Variants in PRDM11 observed in about 807,000 individuals in gnomAD.
The protein encoded by PRDM11 is PR domain-containing protein 11.
In PRDM11, 20 loss-of-function variants were observed where a neutral mutation model predicts 97.8. The ratio of observed to expected loss-of-function variants is 0.20; its 90% CI spans 0.14 to 0.30. The LOEUF is 0.30. PRDM11 is among the 10% of genes least tolerant of loss of function. The pLI, the probability that PRDM11 is intolerant of heterozygous loss-of-function variation, is 1.00. For synonymous variants in PRDM11, 599 were observed against 637.7 expected (o/e 0.94, Z 0.91); for missense variants, 1,139 against 1,555.2 (o/e 0.73, Z 4.50).
intron 1 of PRDM11, among the ~76,000 whole-genome samples, chr11:45,152,383 T>G (rs1851680978): frequency 6.6e-6 from 1 of 152,172 alleles, no homozygotes; most frequent in African/African-American, 2.4e-5. Flanking sequence ...ACTTTCTTGT[T>G]TAAAATTGCA....
chr11:45,169,241 C>T (rs1417868364), intron 1 of PRDM11, among the ~76,000 whole-genome samples: 1 of 152,170 alleles, frequency 6.6e-6, no homozygotes, highest in Admixed American at 6.5e-5. Flanking sequence ...AATTAATAGC[C>T]CCTAGGCATC....
chr11:45,122,268 G>GGTTATCA (rs916695466), intron 1 of PRDM11, among the ~76,000 whole-genome samples: 9 of 148,754 alleles, frequency 6.1e-5, no homozygotes, highest in Non-Finnish European at 1.2e-4. Flanking sequence ...TAAGAAAGTG[G>GGTTATCA]GTTATCAGTA....
At chr11:45,163,627 T>G (rs755612251) in intron 1 of PRDM11, among the ~76,000 whole-genome samples, 1 of 152,268 alleles carries the variant, frequency 6.6e-6, no homozygotes, top group Non-Finnish European at 1.5e-5. Context: ...AGGACTCAGT[T>G]CTAGCCTAGG....
intron 4 of PRDM11, among the ~76,000 whole-genome samples, chr11:45,187,064 G>A (rs756450000): frequency 1.3e-5 from 2 of 152,226 alleles, no homozygotes; most frequent in Non-Finnish European, 2.9e-5. Flanking sequence ...ACAGGGCTGC[G>A]TGAGGTTTGC....
intron 1 of PRDM11, among the ~76,000 whole-genome samples, chr11:45,136,284 C>G (rs1852841800): frequency 6.6e-6 from 1 of 152,068 alleles, no homozygotes; most frequent in South Asian, 2.1e-4. Flanking sequence ...GAAATGATAA[C>G]AGAGTGATAA....
At chr11:45,171,216 C>T (rs538389375) in intron 1 of PRDM11, among the ~76,000 whole-genome samples, 1 of 152,242 alleles carries the variant, frequency 6.6e-6, no homozygotes, top group Non-Finnish European at 1.5e-5. Flanking sequence ...TCTCATGCCT[C>T]AGCCTCCTGG....
At chr11:45,153,032 T>A (rs1330721896) in intron 1 of PRDM11, among the ~76,000 whole-genome samples, 1 of 152,014 alleles carries the variant, frequency 6.6e-6, no homozygotes, top group East Asian at 1.9e-4. Flanking sequence ...TTCGTAGTAA[T>A]TGAGGTAGGA....
chr11:45,148,708 TTTC>T (rs1299189048), intron 1 of PRDM11, among the ~76,000 whole-genome samples: 1 of 152,196 alleles, frequency 6.6e-6, no homozygotes, highest in African/African-American at 2.4e-5. Context: ...GTTCCATCAA[TTTC>T]TTCTCCTTGG....
intron 1 of PRDM11, among the ~76,000 whole-genome samples, chr11:45,176,252 C>T (rs1380517542): frequency 1.3e-5 from 2 of 152,030 alleles, no homozygotes; most frequent in Admixed American, 6.5e-5. Context: ...TGGCAGGTAC[C>T]TGTAATCCCA....
chr11:45,177,903 A>T (rs78683641), intron 1 of PRDM11, among the ~76,000 whole-genome samples: 1 of 152,010 alleles, frequency 6.6e-6, no homozygotes, highest in African/African-American at 2.4e-5. Flanking sequence ...TTGTTTCTTA[A>T]CTGTCCTGTT....
intron 1 of PRDM11, among the ~76,000 whole-genome samples, chr11:45,125,902 T>C (rs1241805311): frequency 2.0e-5 from 3 of 152,188 alleles, no homozygotes; most frequent in Non-Finnish European, 1.5e-5. Flanking sequence ...CCTTGTTAAC[T>C]TTCTGTCTTG....
intron 4 of PRDM11, among the ~76,000 whole-genome samples, chr11:45,186,044 A>G (rs1852693115): frequency 6.6e-6 from 1 of 152,058 alleles, no homozygotes; most frequent in Admixed American, 6.6e-5. Flanking sequence ...AAGTCAAAGA[A>G]ACACATTAAT....
chr11:45,101,555 C>CAAA (rs1172482163), intron 1 of PRDM11, among the ~76,000 whole-genome samples: 1,583 of 61,582 alleles, frequency 0.026, 155 homozygotes, highest in African/African-American at 0.13. Context: ...CACTCTGTCT[C>CAAA]AAAAAAAAAA....
chr11:45,112,063 C>T (rs1468751143), intron 1 of PRDM11, among the ~76,000 whole-genome samples: 3 of 152,184 alleles, frequency 2.0e-5, no homozygotes, highest in South Asian at 2.1e-4. Flanking sequence ...GCAGTGTACA[C>T]TGTACCCAAT....
intron 1 of PRDM11, among the ~76,000 whole-genome samples, chr11:45,169,223 A>G (rs1466856110): frequency 2.0e-5 from 3 of 152,244 alleles, no homozygotes; most frequent in Admixed American, 2.0e-4. Context: ...CTATCACCCA[A>G]CCTCAACAAT....
At chr11:45,146,480 T>C (rs537538380), upstream of PRDM11, among the ~76,000 whole-genome samples, 4 of 152,228 alleles carry the variant, frequency 2.6e-5, no homozygotes, top group East Asian at 7.8e-4. Context: ...CCTTTGGGTT[T>C]GGAGAGCCGG....
intron 4 of PRDM11, among the ~76,000 whole-genome samples, chr11:45,183,464 G>A (rs1852592257): frequency 6.6e-6 from 1 of 152,202 alleles, no homozygotes; most frequent in Non-Finnish European, 1.5e-5. Context: ...ACTCGGAGCT[G>A]GCCTTTGGGG....
chr11:45,115,914 G>A (rs2135617213), intron 1 of PRDM11, among the ~76,000 whole-genome samples: 1 of 142,978 alleles, frequency 7.0e-6, no homozygotes, highest in Non-Finnish European at 1.5e-5. Flanking sequence ...TGGGTGACGA[G>A]TGAAACTCCA....
chr11:45,109,128 T>C (rs1232241896), intron 1 of PRDM11, among the ~76,000 whole-genome samples: 1 of 152,220 alleles, frequency 6.6e-6, no homozygotes, highest in Non-Finnish European at 1.5e-5. Flanking sequence ...AGGTTGAGTC[T>C]GACTTTTCAC....
Sources: allele counts gnomAD v4.1 joint callset (sites outside exome capture counted in the v4.1 genomes callset), GRCh38; gene constraint gnomAD v4.1.1; transcripts MANE v1.5; gene names NCBI Gene and HGNC (gene_info 2026-07-23, HGNC 2026-07-21).